The following PRKN variants were observed in gnomAD, a reference collection of about 807,000 sequenced individuals.
PRKN encodes the protein parkin RBR E3 ubiquitin protein ligase.
Under a neutral mutation model 59.5 loss-of-function variants are expected in PRKN, and 56 were observed. The ratio of observed to expected loss-of-function variants is 0.94; its 90% CI spans 0.76 to 1.18. The LOEUF (loss-of-function observed/expected upper bound fraction) is 1.18, where lower values mean the gene tolerates loss of function less well. PRKN is among the 50% of genes most tolerant of loss of function. The pLI, the probability that PRKN is intolerant of heterozygous loss-of-function variation, is 0.00. For synonymous variants in PRKN, 250 were observed against 222.1 expected (o/e 1.13, Z -1.12); for missense variants, 657 against 596.4 (o/e 1.10, Z -1.06).
intron 9 of PRKN, among the ~76,000 whole-genome samples, chr6:161,507,032 G>C (rs1778199170): frequency 6.6e-6 from 1 of 152,204 alleles, no homozygotes; most frequent in Middle Eastern, 3.2e-3. Flanking sequence ...CAGCTCCCAG[G>C]AGTGGGTCTC....
At chr6:161,920,320 G>A (rs935654586) in intron 6 of PRKN, among the ~76,000 whole-genome samples, 3 of 152,014 alleles carry the variant, frequency 2.0e-5, no homozygotes, top group Non-Finnish European at 4.4e-5. Flanking sequence ...GGAGGTGGAG[G>A]TTGCAGTGAG....
intron 3 of PRKN, among the ~76,000 whole-genome samples, chr6:162,260,705 A>C (rs1302707528): frequency 6.6e-6 from 1 of 152,186 alleles, no homozygotes; most frequent in Non-Finnish European, 1.5e-5. Context: ...GAAATGTATT[A>C]AAGAACATGA....
chr6:161,432,757 A>G (rs1788707932), intron 9 of PRKN, among the ~76,000 whole-genome samples: 1 of 152,046 alleles, frequency 6.6e-6, no homozygotes. Context: ...TGACTCAGCA[A>G]CTTCCATTTG....
chr6:162,363,337 C>T (rs915775179), intron 2 of PRKN, among the ~76,000 whole-genome samples: 1 of 149,622 alleles, frequency 6.7e-6, no homozygotes, highest in Admixed American at 6.7e-5. Context: ...TATGTTGAAT[C>T]TGAAGTTCTG....
At chr6:161,736,107 C>G (rs11759503) in intron 7 of PRKN, among the ~76,000 whole-genome samples, 28,560 of 152,110 alleles carry the variant, frequency 0.19, 3,058 homozygotes, top group East Asian at 0.51. Context: ...CTCATTCATC[C>G]ATTCATTCAT....
chr6:162,277,016 A>C (rs193251834), intron 2 of PRKN, among the ~76,000 whole-genome samples: 51 of 152,338 alleles, frequency 3.3e-4, no homozygotes, highest in African/African-American at 1.2e-3. Flanking sequence ...TGATAATATT[A>C]AAAAGTATAC....
chr6:161,858,894 T>A (rs1234476000), intron 6 of PRKN, among the ~76,000 whole-genome samples: 1 of 113,038 alleles, frequency 8.8e-6, no homozygotes, highest in Non-Finnish European at 1.8e-5. Flanking sequence ...AGAGGCTCGC[T>A]CTTGTTGCCT....
intron 1 of PRKN, among the ~76,000 whole-genome samples, chr6:162,577,227 A>T (rs935887849): frequency 1.4e-5 from 2 of 144,356 alleles, no homozygotes; most frequent in African/African-American, 2.8e-5. Context: ...CAGATAACTT[A>T]AAAAAAGATG....
At chr6:162,319,615 T>C (rs1782901307) in intron 2 of PRKN, among the ~76,000 whole-genome samples, 1 of 151,978 alleles carries the variant, frequency 6.6e-6, no homozygotes, top group Non-Finnish European at 1.5e-5. Context: ...CATTAAATTG[T>C]CCTAACAAAC....
chr6:162,150,034 C>A (rs1250268503), intron 4 of PRKN, among the ~76,000 whole-genome samples: 1 of 152,208 alleles, frequency 6.6e-6, no homozygotes, highest in Non-Finnish European at 1.5e-5. Flanking sequence ...ACAGATCTCA[C>A]TTCTTCACAT....
chr6:162,184,925 A>G (rs986233454), intron 4 of PRKN, among the ~76,000 whole-genome samples: 14 of 152,150 alleles, frequency 9.2e-5, no homozygotes, highest in African/African-American at 3.4e-4. Context: ...TGAAGCATTT[A>G]TTTCAAAACT....
Position 162,682,091 on chromosome 6 carries a change from G to A in PRKN, c.7+45571C>T, listed in dbSNP as rs144392358. Among the ~76,000 whole-genome samples, 12 of 152,024 alleles carry A rather than the reference G, an allele frequency of 7.9e-5. No individual in the cohort carries two copies. In the East Asian group the frequency reaches 2.3e-3, roughly 29 times the overall value. ...TAAAATGTTCATACCCTTTGACTCA[G>A]TAAATTTTATTTATCTGAATCTACC... is the stretch of plus-strand genomic sequence containing the variant. On this transcript the variant is annotated intron_variant, in intron 1 of 11. Coordinates refer to ENST00000366898, the MANE Select transcript of PRKN (RefSeq NM_004562.3).
intron 5 of PRKN, among the ~76,000 whole-genome samples, chr6:162,004,009 G>C (rs531992905): frequency 1.1e-4 from 16 of 152,196 alleles, no homozygotes; most frequent in Middle Eastern, 3.4e-3. Context: ...CCTTGGTCTC[G>C]TCACACAGAT....
intron 1 of PRKN, among the ~76,000 whole-genome samples, chr6:162,463,993 A>G (rs2128175277): frequency 6.6e-6 from 1 of 152,344 alleles, no homozygotes; most frequent in Admixed American, 6.5e-5. Context: ...TGAAATCAAA[A>G]TACCAGTCTT....
rs1361870013 is a variant in PRKN at position 161,471,519 on chromosome 6, G to A, written c.1083+77335C>T. On this transcript the variant is annotated intron_variant, in intron 9 of 11. Coordinates refer to ENST00000366898, the MANE Select transcript of PRKN (RefSeq NM_004562.3). The surrounding 1 kb of genome is among the most constrained non-coding windows in gnomAD (Gnocchi z 4.5). ...GAAAGAAATGGAGAAATATGGATTG[G>A]GTAATGAAGAATGTATCCTCTTAGG... Among the ~76,000 whole-genome samples, 2 of 152,040 alleles carry A rather than the reference G, an allele frequency of 1.3e-5. No homozygotes were observed. The highest frequency in any genetic ancestry group is 1.3e-4 in the Admixed American group (2 of 15,260).
rs1159393006 is a variant in PRKN, at chr6:161,919,011, A to G, written c.734+54291T>C. On this transcript the variant is annotated intron_variant, in intron 6 of 11. Transcript: ENST00000366898. ...AAACTGTTAAGCACACGACTGTTAG[A>G]GCCAGCAATTCCTCTCCTAGGTATC... is the stretch of plus-strand genomic sequence containing the variant. 2.0e-5 allele frequency among the ~76,000 whole-genome samples: 3 copies of G among 152,324 alleles called. No homozygotes were observed. The East Asian group carries it at 5.8e-4, about 29-fold the overall frequency.
At chr6:161,837,614 G>A (rs946359968) in intron 6 of PRKN, among the ~76,000 whole-genome samples, 2 of 150,228 alleles carry the variant, frequency 1.3e-5, no homozygotes, top group African/African-American at 4.9e-5. Context: ...AATCCAAACT[G>A]TTGAATAAAC....
At chr6:161,669,026 T>A (rs1554290704) in intron 7 of PRKN, among the ~76,000 whole-genome samples, 2 of 152,194 alleles carry the variant, frequency 1.3e-5, no homozygotes. Context: ...TGGGAGATGA[T>A]TAGGCCACGA....
intron 2 of PRKN, among the ~76,000 whole-genome samples, chr6:162,263,986 C>T (rs1455579402): frequency 1.4e-5 from 2 of 147,382 alleles, no homozygotes; most frequent in African/African-American, 2.5e-5. Flanking sequence ...CTCAGTAAAT[C>T]GATGTGGCCG....
Sources: gnomAD v4.1 joint callset for allele counts (sites outside exome capture counted in the v4.1 genomes callset) on GRCh38, gnomAD v4.1.1 for gene constraint, Gnocchi (gnomAD v3.1) non-coding constraint, MANE v1.5 for transcripts, NCBI Gene and HGNC (gene_info 2026-07-23, HGNC 2026-07-21) for gene names.